Variants in CDC73 observed in about 807,000 individuals in gnomAD.
CDC73 encodes the protein parafibromin.
CDC73 carries 21 observed loss-of-function variants against 83.7 expected under a neutral mutation model. The ratio of observed to expected loss-of-function variants is 0.25; its 90% CI spans 0.18 to 0.36. CDC73 has a LOEUF of 0.36. Ranked by LOEUF, CDC73 falls within the 10% of genes least tolerant of loss-of-function variation. The pLI is 1.00. For synonymous variants in CDC73, 224 were observed against 212.9 expected, an observed-to-expected ratio of 1.05 and a Z score of -0.45; for missense variants, 342 against 653.3, an observed-to-expected ratio of 0.52 and a Z score of 5.19.
intron 10 of CDC73, among the ~76,000 whole-genome samples, chr1:193,177,528 T>TA (rs556503372): frequency 0.013 from 1,385 of 104,352 alleles, 11 homozygotes; most frequent in Non-Finnish European, 0.015. Flanking sequence ...AGACTCTGTC[T>TA]AAAAAAAAAA....
In CDC73 at chr1:193,212,126, C is replaced by T. The variant is rs759218770; in HGVS notation, c.1066+26C>T. Reference sequence around the variant, plus strand: ...GTGAGGTTGTGCATATGATTTTAAACTTAACTTTAAAAAGTAAATGATTGC... The same window carrying T: ...GTGAGGTTGTGCATATGATTTTAAATTTAACTTTAAAAAGTAAATGATTGC... On this transcript the variant is annotated intron_variant, in intron 12 of 16. Coordinates refer to ENST00000367435, the MANE Select transcript of CDC73 (RefSeq NM_024529.5). The T allele has an allele frequency of 2.6e-6, 4 of 1,546,110 alleles. No homozygotes were observed. In the South Asian group the frequency reaches 4.7e-5, roughly 18 times the overall value.
chr1:193,233,179 C>A (rs1677691209), intron 14 of CDC73, 25 bp downstream of exon 14: 2 of 1,587,760 alleles, frequency 1.3e-6, no homozygotes, highest in Non-Finnish European at 1.7e-6. Context: ...ATATATATAT[C>A]TTTTCACAGG....
chr1:193,248,876 A>C (rs900635883), intron 15 of CDC73, among the ~76,000 whole-genome samples: 1 of 152,072 alleles, frequency 6.6e-6, no homozygotes, highest in Non-Finnish European at 1.5e-5. Context: ...TTTTTTTGAG[A>C]TAGAATTCAC....
At chr1:193,198,887 T>C (rs1016730985) in intron 10 of CDC73, among the ~76,000 whole-genome samples, 2 of 152,244 alleles carry the variant, frequency 1.3e-5, no homozygotes, top group Admixed American at 6.5e-5. Context: ...CATCGTACAA[T>C]AGATACAACA....
At chr1:193,160,070 A>G (rs1404287494) in intron 10 of CDC73, among the ~76,000 whole-genome samples, 1 of 152,202 alleles carries the variant, frequency 6.6e-6, no homozygotes, top group Admixed American at 6.5e-5. Context: ...ACTGGTTGAT[A>G]CATTTTGTGT....
chr1:193,172,167 C>G (rs1353756007), intron 10 of CDC73, among the ~76,000 whole-genome samples: 1 of 151,274 alleles, frequency 6.6e-6, no homozygotes, highest in Non-Finnish European at 1.5e-5. Context: ...TCAAGTGATT[C>G]ACCCACCTCG....
chr1:193,221,931 C>G (rs1677477356), intron 13 of CDC73, among the ~76,000 whole-genome samples: 1 of 152,028 alleles, frequency 6.6e-6, no homozygotes, highest in African/African-American at 2.4e-5. Flanking sequence ...TAACTCATAG[C>G]TCAAGTTGGA....
At chr1:193,236,217 C>G in intron 14 of CDC73, 39 bp from the exon 15 acceptor site, 1 of 1,191,096 alleles carries the variant, frequency 8.4e-7, no homozygotes, top group Non-Finnish European at 1.3e-6. Flanking sequence ...TAATCTCCGT[C>G]TGTCCCCTAC....
In CDC73 at chr1:193,212,174, T is replaced by C; in HGVS notation, c.1066+74T>C. 3 of 1,230,960 alleles carry C rather than the reference T, an allele frequency of 2.4e-6. 1 individual carries two copies. The highest frequency in any genetic ancestry group is 2.6e-5 in the South Asian group (2 of 77,308). The allele number at this position is 1,230,960 out of a possible 1,614,324, so 76.3% of individuals were successfully genotyped here. A position where few individuals can be genotyped will look rare whatever the true frequency, so the allele number is the denominator to read the frequency against. On this transcript the variant is annotated intron_variant, in intron 12 of 16. Coordinates refer to ENST00000367435, the MANE Select transcript of CDC73 (RefSeq NM_024529.5). ...TGCAAAACCAGGCCTGATAATTTTC[T>C]TGTGCAGCTGTATCACATGTTTGTG...
In CDC73 at chr1:193,122,265, G is replaced by A; in HGVS notation, c.65G>A (p.Gly22Glu). ...CAGAAGAAGGAGATTGTGGTGAAGGGAGACGAAGTGATCTTCGGGGAGTTC... is the reference window on the plus strand; with the variant it reads ...CAGAAGAAGGAGATTGTGGTGAAGGAAGACGAAGTGATCTTCGGGGAGTTC... ...NIQKKEIVVK[G>E]DEVIFGEFSW... is the part of the protein sequence containing the mutation. Residue 22 changes from glycine to glutamate, a missense_variant, in exon 1 of 17, where the codon GGA becomes GAA. By Grantham distance (98) the Gly-to-Glu change is moderately conservative. Around this residue, in one of 3 missense-constraint regions of CDC73, gnomAD observed 99 missense variants for 174.5 expected, o/e 0.57. Transcript: ENST00000367435. The A allele has an allele frequency of 2.5e-6, 4 of 1,614,124 alleles. No homozygotes were observed. The highest frequency in any genetic ancestry group is 3.4e-6 in the Non-Finnish European group (4 of 1,179,970).
At chr1:193,126,116 G>T (rs6683844) in intron 2 of CDC73, among the ~76,000 whole-genome samples, 3,228 of 152,172 alleles carry the variant, frequency 0.021, 111 homozygotes, top group African/African-American at 0.074. Context: ...AACCCGAAAC[G>T]CTAAAAGTAT....
At chr1:193,144,670 T>C (rs1190824751) in intron 7 of CDC73, among the ~76,000 whole-genome samples, 1 of 152,236 alleles carries the variant, frequency 6.6e-6, no homozygotes, top group Non-Finnish European at 1.5e-5. Flanking sequence ...TTTATTATTT[T>C]GTGTGACGAA....
intron 10 of CDC73, among the ~76,000 whole-genome samples, chr1:193,193,798 T>C (rs1462525317): frequency 6.7e-6 from 1 of 149,850 alleles, no homozygotes; most frequent in East Asian, 1.9e-4. Flanking sequence ...TGTGTGTGTG[T>C]GTGTGTGTGT....
At chr1:193,151,457 C>T (rs1218357239) in intron 9 of CDC73, among the ~76,000 whole-genome samples, 1 of 152,114 alleles carries the variant, frequency 6.6e-6, no homozygotes, top group Non-Finnish European at 1.5e-5. Context: ...ATTGGGTTGC[C>T]CCCAATTGAT....
chr1:193,197,553 A>G (rs10921326), intron 10 of CDC73, among the ~76,000 whole-genome samples: 94,803 of 151,958 alleles, frequency 0.62, 30,025 homozygotes, highest in South Asian at 0.77. Flanking sequence ...TGCAAGCACC[A>G]TGAGGGTAGG....
intron 10 of CDC73, among the ~76,000 whole-genome samples, chr1:193,196,601 ATTTG>A (rs982168940): frequency 2.0e-5 from 3 of 152,068 alleles, no homozygotes; most frequent in African/African-American, 7.2e-5. Flanking sequence ...ATGTCTTTCC[ATTTG>A]TTTGTGTCTT....
At chr1:193,224,949 T>G (rs1195222214) in intron 13 of CDC73, among the ~76,000 whole-genome samples, 7 of 152,088 alleles carry the variant, frequency 4.6e-5, no homozygotes, top group Non-Finnish European at 8.8e-5. Context: ...GTTACATGAC[T>G]AAGTAGTTTG....
At chr1:193,172,924 T>A (rs1334373047) in intron 10 of CDC73, among the ~76,000 whole-genome samples, 3 of 152,356 alleles carry the variant, frequency 2.0e-5, no homozygotes, top group South Asian at 4.1e-4. Context: ...TTATTTTTTC[T>A]TTGAAATGAG....
At chr1:193,206,030 A>ATT (rs920656275) in intron 11 of CDC73, among the ~76,000 whole-genome samples, 77 of 152,184 alleles carry the variant, frequency 5.1e-4, no homozygotes, top group African/African-American at 1.7e-3. Flanking sequence ...GTGATGTAAA[A>ATT]TTTTTTCTAT....
Sources: gnomAD v4.1 joint callset for allele counts (sites outside exome capture counted in the v4.1 genomes callset) on GRCh38, gnomAD v4.1.1 for gene constraint, gnomAD v4.1.1 regional missense constraint, MANE v1.5 for transcripts, NCBI Gene and HGNC (gene_info 2026-07-23, HGNC 2026-07-21) for gene names.